The following TUSC3 variants were observed in gnomAD, a reference collection of about 807,000 sequenced individuals.
TUSC3 encodes the protein dolichyl-diphosphooligosaccharide--protein glycosyltransferase subunit TUSC3.
TUSC3 carries 45 observed loss-of-function variants against 44.8 expected under a neutral mutation model. That is an observed-to-expected ratio of 1.00 (90% confidence interval 0.79 to 1.29). TUSC3 has a LOEUF of 1.29. Among genes scored for constraint, TUSC3 ranks in the 50% most tolerant of loss-of-function variants. The probability of loss-of-function intolerance (pLI) is 0.00; values close to 1 mark genes in which losing one functional copy is unlikely to be tolerated. For missense variants in TUSC3, 519 were observed against 437.9 expected, an observed-to-expected ratio of 1.19 and a Z score of -1.65; for synonymous variants, 212 against 152.9, an observed-to-expected ratio of 1.39 and a Z score of -2.85.
chr8:15,644,336 A>G (rs987819944), intron 2 of TUSC3, among the ~76,000 whole-genome samples: 1 of 152,198 alleles, frequency 6.6e-6, no homozygotes, highest in Admixed American at 6.5e-5. Context: ...GGCGTTCACT[A>G]CATTCATGAA....
chr8:15,518,197 A>C (rs1801248114), intron 2 of TUSC3, among the ~76,000 whole-genome samples: 1 of 152,022 alleles, frequency 6.6e-6, no homozygotes, highest in East Asian at 1.9e-4. Context: ...CCTCCTTTCT[A>C]GTTTTATGAT....
In TUSC3 at chr8:15,613,064, G is replaced by A. The variant is rs200666964; in HGVS notation, c.139-10016G>A. 1.6e-3 allele frequency among the ~76,000 whole-genome samples: 236 copies of A among 144,564 alleles called. 1 individual carries two copies. Among genetic ancestry groups the A allele is most frequent in the African/African-American group, 5.8e-3 (228 of 39,408 alleles). The allele number at this position is 144,564 out of a possible 152,430, so 94.8% of individuals were successfully genotyped here. On this transcript the variant is annotated intron_variant, in intron 1 of 10. Coordinates refer to ENST00000503731, the MANE Select transcript of TUSC3 (RefSeq NM_006765.4). The stretch of plus-strand genomic sequence containing the variant: ...TCAATATAAGCCATATTATATATAT[G>A]ATATATATATATATATCATATATAT...
chr8:15,551,511 G>T (rs1015262707), intron 1 of TUSC3, among the ~76,000 whole-genome samples: 2 of 151,628 alleles, frequency 1.3e-5, no homozygotes, highest in African/African-American at 4.8e-5. Flanking sequence ...AGCTGTGTAA[G>T]TTCTTTTATT....
intron 1 of TUSC3, among the ~76,000 whole-genome samples, chr8:15,545,325 C>T (rs1801825678): frequency 6.6e-6 from 1 of 151,604 alleles, no homozygotes; most frequent in Non-Finnish European, 1.5e-5. Flanking sequence ...GATGCCCACT[C>T]ATGTAGTGAA....
chr8:15,425,570 A>C (rs988649964), intron 1 of TUSC3, among the ~76,000 whole-genome samples: 2 of 152,228 alleles, frequency 1.3e-5, no homozygotes, highest in South Asian at 4.1e-4. Flanking sequence ...ACTGTGGGAA[A>C]GCTTTGGGAA....
chr8:15,815,709 CTTCTT>C, the TUSC3 span, among the ~76,000 whole-genome samples: 2 of 152,074 alleles, frequency 1.3e-5, no homozygotes, highest in Admixed American at 6.6e-5. Context: ...CATTCTGTCT[CTTCTT>C]TTCTTGTCCT....
intron 2 of TUSC3, among the ~76,000 whole-genome samples, chr8:15,518,088 C>T (rs765085635): frequency 2.4e-4 from 36 of 152,162 alleles, no homozygotes; most frequent in Non-Finnish European, 4.6e-4. Flanking sequence ...TGTATATTTA[C>T]TTAGCCTGTA....
At chr8:15,523,654 ATATATATATATGTGTG>A (rs1801328647) in intron 2 of TUSC3, among the ~76,000 whole-genome samples, 4 of 26,112 alleles carry the variant, frequency 1.5e-4, no homozygotes, top group Admixed American at 5.8e-4. Context: ...ATATATATAT[ATATATATATATGTGTG>A]TGTGTGTGTG....
chr8:15,531,396 C>T (rs993451412), intron 2 of TUSC3, among the ~76,000 whole-genome samples: 1 of 152,136 alleles, frequency 6.6e-6, no homozygotes, highest in Non-Finnish European at 1.5e-5. Context: ...GGATTACAGG[C>T]ACCCGCCACA....
At chr8:15,724,958 C>G (rs1810445989) in intron 6 of TUSC3, among the ~76,000 whole-genome samples, 1 of 152,054 alleles carries the variant, frequency 6.6e-6, no homozygotes, top group Non-Finnish European at 1.5e-5. Flanking sequence ...AAGAAGGGAC[C>G]AAAAAGAGTT....
intron 1 of TUSC3, among the ~76,000 whole-genome samples, chr8:15,423,969 G>GTTTTTGTTTTTTTTTTTTT: frequency 1.4e-5 from 1 of 70,394 alleles, no homozygotes; most frequent in African/African-American, 4.1e-5. Flanking sequence ...GTTTTGCTTT[G>GTTTTTGTTTTTTTTTTTTT]TTTTTTTTTT....
At chr8:15,819,302 T>A in the TUSC3 span, among the ~76,000 whole-genome samples, 1 of 152,220 alleles carries the variant, frequency 6.6e-6, no homozygotes. Flanking sequence ...CTTGTTCTTA[T>A]ACTTTAATTT....
chr8:15,692,283 T>C (rs766289438), intron 6 of TUSC3, among the ~76,000 whole-genome samples: 51 of 151,890 alleles, frequency 3.4e-4, no homozygotes, highest in Non-Finnish European at 5.9e-4. Context: ...CCTACTGTTT[T>C]CTTGTTTTGT....
chr8:15,529,947 G>GCCACCAA (rs528852746), intron 2 of TUSC3, among the ~76,000 whole-genome samples: 3 of 25,632 alleles, frequency 1.2e-4, no homozygotes, highest in African/African-American at 3.0e-4. Context: ...ACAGGCGCCC[G>GCCACCAA]GCTAATTTTT....
At chr8:15,586,397 A>T (rs1803604594) in intron 1 of TUSC3, among the ~76,000 whole-genome samples, 1 of 152,130 alleles carries the variant, frequency 6.6e-6, no homozygotes, top group African/African-American at 2.4e-5. Context: ...GTGGGGTGGG[A>T]TGGAGAGACC....
intron 1 of TUSC3, among the ~76,000 whole-genome samples, chr8:15,621,606 T>A (rs1805248498): frequency 1.4e-5 from 2 of 148,022 alleles, no homozygotes; most frequent in South Asian, 4.2e-4. Context: ...TTTATATATA[T>A]AAATTATACA....
chr8:15,806,742 G>A, the TUSC3 span: 2 of 788,958 alleles, frequency 2.5e-6, no homozygotes, highest in Non-Finnish European at 4.3e-6. Flanking sequence ...GCTTTCACAT[G>A]CTAAAGCATT....
At chr8:15,662,110 A>C in intron 4 of TUSC3, 46 bp from the exon 5 acceptor site, 1 of 1,595,762 alleles carries the variant, frequency 6.3e-7, no homozygotes, top group Non-Finnish European at 8.6e-7. Context: ...CAAAAGAAAA[A>C]TTTTATTTTT....
At chr8:15,496,558 G>A (rs1800883054) in intron 2 of TUSC3, among the ~76,000 whole-genome samples, 1 of 152,172 alleles carries the variant, frequency 6.6e-6, no homozygotes, top group South Asian at 2.1e-4. Context: ...TTTTGGGAGA[G>A]AGTGATTTTT....
Sources: allele counts gnomAD v4.1 joint callset (sites outside exome capture counted in the v4.1 genomes callset), GRCh38; gene constraint gnomAD v4.1.1; transcripts MANE v1.5; gene names NCBI Gene and HGNC (gene_info 2026-07-23, HGNC 2026-07-21).